IRX4: variants seen among roughly 807,000 people sequenced by gnomAD.
IRX4 encodes the protein iroquois-class homeodomain protein IRX-4.
A neutral mutation model predicts 32.0 loss-of-function variants in IRX4; 22 were observed. The ratio of observed to expected loss-of-function variants is 0.69; its 90% CI spans 0.49 to 0.98. The LOEUF (loss-of-function observed/expected upper bound fraction) is 0.98, where lower values mean the gene tolerates loss of function less well. IRX4 is among the 50% of genes least tolerant of loss of function. The probability of loss-of-function intolerance (pLI) is 0.00; values close to 1 mark genes in which losing one functional copy is unlikely to be tolerated. For synonymous variants in IRX4, 379 were observed against 351.7 expected, an observed-to-expected ratio of 1.08 and a Z score of -0.87; for missense variants, 840 against 744.2, an observed-to-expected ratio of 1.13 and a Z score of -1.50.
rs752423225 is a variant in IRX4 at position 1,879,646 on chromosome 5, C to A, written c.594G>T (p.Arg198=). The A allele has an allele frequency of 3.3e-5, 53 of 1,614,032 alleles. No individual in the cohort carries two copies. Among genetic ancestry groups the A allele is most frequent in the Admixed American group, 2.7e-4 (16 of 60,010 alleles). Residue 198 remains arginine, a synonymous_variant, in exon 4 of 5, where the codon CGG becomes CGT. Transcript: ENST00000231357. ...TCATCTTGTTCTCCTTCTTGAGGCG[C>A]CGGCGCGCGTTGGCGAACCAGGTGG... The part of the protein sequence containing the change: ...QVSTWFANAR[R]RLKKENKMTW...
Position 1,877,629 on chromosome 5 carries a change from A to C in IRX4, c.*340T>G. On this transcript the variant is annotated 3_prime_UTR_variant, in exon 5 of 5. Transcript: ENST00000231357. ...GCCCAGGAGGCCTCACGCCCAGGGGACAGCAGACCACGCTTCAGAACGGAA... is the reference window on the plus strand; with the variant it reads ...GCCCAGGAGGCCTCACGCCCAGGGGCCAGCAGACCACGCTTCAGAACGGAA... 3.2e-6 allele frequency: 1 copy of C among 313,162 alleles called. No individual in the cohort carries two copies. The highest frequency in any genetic ancestry group is 5.6e-5 in the South Asian group (1 of 17,702). The allele number at this position is 313,162 out of a possible 1,614,324, so 19.4% of individuals were successfully genotyped here.
At chr5:1,885,240 G>C (rs1735590825), upstream of IRX4, among the ~76,000 whole-genome samples, 1 of 152,162 alleles carries the variant, frequency 6.6e-6, no homozygotes, top group African/African-American at 2.4e-5. Flanking sequence ...TGGAGCCGAA[G>C]CCCCAGAACA....
chr5:1,877,808 G>T lies in IRX4; in HGVS notation c.*161C>A, dbSNP rs1247776415. 3 of 683,988 alleles carry T rather than the reference G, an allele frequency of 4.4e-6. No individual in the cohort carries two copies. The highest frequency in any genetic ancestry group is 6.4e-5 in the East Asian group (2 of 31,462). 42.4% of individuals were successfully genotyped at this position (683,988 alleles called of 1,614,324 possible). A position where few individuals can be genotyped will look rare whatever the true frequency, so the allele number is the denominator to read the frequency against. ...TGGAGGCCCCGGCGTGGCAGCGCCG[G>T]GCTTGTCCATGTTCCCAGGAGTCCA... On this transcript the variant is annotated 3_prime_UTR_variant, in exon 5 of 5. Transcript: ENST00000231357.
chr5:1,882,253 G>A (rs1361648575), intron 1 of IRX4, among the ~76,000 whole-genome samples, 194 bp from the exon 2 acceptor site: 2 of 150,128 alleles, frequency 1.3e-5, no homozygotes, highest in African/African-American at 2.4e-5. Flanking sequence ...GGGCCCAGCC[G>A]AGCACCTACA....
upstream of IRX4, among the ~76,000 whole-genome samples, chr5:1,883,725 C>T (rs1221993784): frequency 6.6e-6 from 1 of 152,226 alleles, no homozygotes; most frequent in Non-Finnish European, 1.5e-5. Flanking sequence ...AGCCCACCGC[C>T]CCCACCTCGC....
chr5:1,884,986 A>C (rs1004309005), upstream of IRX4, among the ~76,000 whole-genome samples: 3 of 147,650 alleles, frequency 2.0e-5, no homozygotes, highest in African/African-American at 7.7e-5. Flanking sequence ...AGCCGGGCCA[A>C]GGGCTGGGAT....
chr5:1,878,713 C>T lies in IRX4; in HGVS notation c.816G>A (p.Ala272=), dbSNP rs757498237. The T allele has an allele frequency of 5.0e-6, 8 of 1,612,274 alleles. No homozygotes were observed. The African/African-American group carries it at 6.7e-5, about 13-fold the overall frequency. Residue 272 remains alanine, a synonymous_variant, in exon 5 of 5, where the codon GCG becomes GCA. Transcript: ENST00000231357. ...DFDPLEAEPP[A]CELKPPFHSL... ...AGTGGAAGGGCGGCTTCAGCTCGCA[C>T]GCCGGCGGCTCTGCTTCCAGCGGGT...
At chr5:1,880,347 G>C (rs560437275) in intron 3 of IRX4, among the ~76,000 whole-genome samples, 6 of 152,216 alleles carry the variant, frequency 3.9e-5, no homozygotes, top group Non-Finnish European at 7.3e-5. Flanking sequence ...GGCCACCAGG[G>C]GTTCCCCACT....
At chr5:1,881,312 CGCAAGGCGGGGGGAGGA>C (rs1413910152) in intron 2 of IRX4, among the ~76,000 whole-genome samples, 3 of 93,468 alleles carry the variant, frequency 3.2e-5, no homozygotes, top group African/African-American at 1.3e-4. Context: ...AATGGGGAGG[CGCAAGGCGGGGGGAGGA>C]GCAAGGGTGG....
At chr5:1,881,098 C>T (rs1172212383) in intron 2 of IRX4, 2 of 389,210 alleles carry the variant, frequency 5.1e-6, no homozygotes, top group East Asian at 4.7e-5. Context: ...GTGTGGGGAG[C>T]GGGGATGTGG....
At chr5:1,880,217 A>C in intron 3 of IRX4, 4 of 1,230,006 alleles carry the variant, frequency 3.3e-6, no homozygotes, top group South Asian at 1.4e-5. Flanking sequence ...AAGGGTCATT[A>C]CTGCCCAGGA....
At chr5:1,881,337 T>A (rs973335030) in intron 2 of IRX4, among the ~76,000 whole-genome samples, 5 of 38,966 alleles carry the variant, frequency 1.3e-4, no homozygotes, top group African/African-American at 2.0e-4. Flanking sequence ...GGAGCAAGGG[T>A]GGGGGAGGAG....
chr5:1,882,713 G>T lies in IRX4; in HGVS notation c.-66C>A. The T allele has an allele frequency of 9.6e-7, 1 of 1,043,210 alleles. No homozygotes were observed. The highest frequency in any genetic ancestry group is 3.3e-5 in the East Asian group (1 of 30,634). 64.6% of individuals were successfully genotyped at this position (1,043,210 alleles called of 1,614,324 possible). A position where few individuals can be genotyped will look rare whatever the true frequency, so the allele number is the denominator to read the frequency against. On this transcript the variant is annotated 5_prime_UTR_variant, in exon 1 of 5. Transcript: ENST00000231357. Reference sequence around the variant, plus strand: ...TTCTGCGCGCTGGGGCCGGCGTGGCGCGGCCACTGCTCCGGAGCTGCAGGC... The same window carrying T: ...TTCTGCGCGCTGGGGCCGGCGTGGCTCGGCCACTGCTCCGGAGCTGCAGGC...
At chr5:1,879,347 T>C (rs1182193458) in intron 4 of IRX4, among the ~76,000 whole-genome samples, 157 bp downstream of exon 4, 1 of 152,134 alleles carries the variant, frequency 6.6e-6, no homozygotes, top group Non-Finnish European at 1.5e-5. Context: ...ACCACCACAG[T>C]CCCCACATTG....
chr5:1,877,507 G>T lies in IRX4; in HGVS notation c.*462C>A. On this transcript the variant is annotated 3_prime_UTR_variant, in exon 5 of 5. Coordinates refer to ENST00000231357, the MANE Select transcript of IRX4 (RefSeq NM_016358.3). ...TTGGTGTGAACATACATCTTAAAAA[G>T]CATCATATTATGGAGTCAAGAGTGT... 1 of 160,896 alleles carries T rather than the reference G, an allele frequency of 6.2e-6. No homozygotes were observed. Among genetic ancestry groups the T allele is most frequent in the East Asian group, 1.9e-4 (1 of 5,356 alleles). The allele number at this position is 160,896 out of a possible 1,614,324, so 10.0% of individuals were successfully genotyped here. A position where few individuals can be genotyped will look rare whatever the true frequency, so the allele number is the denominator to read the frequency against.
Position 1,877,822 on chromosome 5 carries a change from C to T in IRX4, c.*147G>A. On this transcript the variant is annotated 3_prime_UTR_variant, in exon 5 of 5. Transcript: ENST00000231357. ...TGGCAGCGCCGGGCTTGTCCATGTT[C>T]CCAGGAGTCCAAGTTCAGAAGCCCC... 1 of 752,116 alleles carries T rather than the reference C, an allele frequency of 1.3e-6. No individual in the cohort carries two copies. The highest frequency in any genetic ancestry group is 3.1e-5 in the East Asian group (1 of 32,578). The allele number at this position is 752,116 out of a possible 1,614,324, so 46.6% of individuals were successfully genotyped here. A position where few individuals can be genotyped will look rare whatever the true frequency, so the allele number is the denominator to read the frequency against.
At chr5:1,887,062 C>T (rs1235463755), upstream of IRX4, 4 of 151,510 alleles carry the variant, frequency 2.6e-5, no homozygotes, top group African/African-American at 9.7e-5. Context: ...CCTCACCTAC[C>T]TGCGGTGGCG....
chr5:1,879,403 G>A (rs887767268), intron 4 of IRX4, 101 bp downstream of exon 4: 1 of 1,559,878 alleles, frequency 6.4e-7, no homozygotes, highest in South Asian at 1.2e-5. Flanking sequence ...CCTAGGCATG[G>A]GGCTCGGCGT....
At chr5:1,881,740 T>G (rs1301913272) in intron 2 of IRX4, 68 bp downstream of exon 2, 4 of 1,542,224 alleles carry the variant, frequency 2.6e-6, no homozygotes, top group Non-Finnish European at 1.8e-6. Flanking sequence ...GCGCGCCTAC[T>G]GGGGCAAAAG....
Sources: allele counts gnomAD v4.1 joint callset (sites outside exome capture counted in the v4.1 genomes callset), GRCh38; gene constraint gnomAD v4.1.1; transcripts MANE v1.5; gene names NCBI Gene and HGNC (gene_info 2026-07-23, HGNC 2026-07-21).